The following TBC1D15 variants were observed in gnomAD, a reference collection of about 807,000 sequenced individuals.
The protein encoded by TBC1D15 is TBC1 domain family member 15.
TBC1D15 carries 39 observed loss-of-function variants against 95.4 expected under a neutral mutation model. That is an observed-to-expected ratio of 0.41 (90% CI 0.32 to 0.53). The LOEUF is 0.53. Ranked by LOEUF, TBC1D15 falls within the 20% of genes least tolerant of loss-of-function variation. The probability of loss-of-function intolerance (pLI) is 0.29; values close to 1 mark genes in which losing one functional copy is unlikely to be tolerated. For missense variants in TBC1D15, 733 were observed against 794.3 expected, an observed-to-expected ratio of 0.92 and a Z score of 0.93; for synonymous variants, 258 against 261.3, an observed-to-expected ratio of 0.99 and a Z score of 0.12.
At chr12:71,857,304 TGAAA>T (rs1889318433) in intron 1 of TBC1D15, among the ~76,000 whole-genome samples, 1 of 152,140 alleles carries the variant, frequency 6.6e-6, no homozygotes, top group East Asian at 1.9e-4. Context: ...GTGAAGAAAT[TGAAA>T]GCTTATTCTA....
chr12:71,913,736 A>G (rs1902998803), intron 11 of TBC1D15, 90 bp from the exon 12 acceptor site: 2 of 815,090 alleles, frequency 2.5e-6, no homozygotes, highest in South Asian at 1.6e-5. Context: ...GAAAGATACA[A>G]TTTTAAGCGA....
At chr12:71,888,313 G>T (rs770412025) in intron 5 of TBC1D15, among the ~76,000 whole-genome samples, 1 of 151,906 alleles carries the variant, frequency 6.6e-6, no homozygotes, top group African/African-American at 2.4e-5. Flanking sequence ...GTGAAACCCC[G>T]TCTCTACTAC....
chr12:71,849,504 A>G, intron 1 of TBC1D15: 2 of 773,964 alleles, frequency 2.6e-6, no homozygotes, highest in Non-Finnish European at 4.7e-6. Context: ...AAAGAGCGAA[A>G]GAGAGAAGGT....
At chr12:71,922,393 A>AT (rs113471599) in intron 16 of TBC1D15, among the ~76,000 whole-genome samples, 23,819 of 146,612 alleles carry the variant, frequency 0.16, 2,190 homozygotes, top group African/African-American at 0.26. Context: ...CCATGACTGC[A>AT]TTTTTTTTTT....
intron 16 of TBC1D15, among the ~76,000 whole-genome samples, 173 bp from the exon 17 acceptor site, chr12:71,922,810 T>A (rs2139141079): frequency 6.6e-6 from 1 of 152,290 alleles, no homozygotes; most frequent in African/African-American, 2.4e-5. Flanking sequence ...GAAAGGTGGT[T>A]AGCATTTCAT....
intron 10 of TBC1D15, among the ~76,000 whole-genome samples, chr12:71,901,261 A>C (rs979186683): frequency 6.6e-6 from 1 of 152,056 alleles, no homozygotes; most frequent in Non-Finnish European, 1.5e-5. Flanking sequence ...GCCTCAAGCA[A>C]TTCTCCCATC....
intron 3 of TBC1D15, among the ~76,000 whole-genome samples, chr12:71,876,379 A>G (rs1893822686): frequency 6.6e-6 from 1 of 152,086 alleles, no homozygotes; most frequent in Admixed American, 6.6e-5. Context: ...TTATCTGTGA[A>G]TCACCTTGAA....
chr12:71,853,248 A>G (rs548984208), intron 1 of TBC1D15, among the ~76,000 whole-genome samples: 4 of 152,310 alleles, frequency 2.6e-5, no homozygotes, highest in South Asian at 4.1e-4. Context: ...AAACAAAATC[A>G]GATCTCAGGA....
At position 71,923,078 on chromosome 12, in the gene TBC1D15, G is replaced by C. The variant is rs1311692349; in HGVS notation, c.1899G>C (p.Met633Ile). Reference sequence around the variant, plus strand: ...TTGGTGAAGACGAAAATGTTGTCATGACTCCTTGTCCTACATCTGCATTTC... The same window carrying C: ...TTGGTGAAGACGAAAATGTTGTCATCACTCCTTGTCCTACATCTGCATTTC... ...SDVGEDENVV[M>I]TPCPTSAFQS... is the part of the protein sequence containing the mutation. Residue 633 changes from methionine to isoleucine, a missense_variant, in exon 17 of 17, where the codon ATG (methionine) becomes ATC (isoleucine). Transcript: ENST00000485960. 6.2e-7 allele frequency: 1 copy of C among 1,614,198 alleles called. No homozygotes were observed. Among genetic ancestry groups the C allele is most frequent in the Admixed American group, 1.7e-5 (1 of 60,022 alleles).
intron 5 of TBC1D15, among the ~76,000 whole-genome samples, chr12:71,887,456 A>G (rs540875266): frequency 7.9e-5 from 12 of 152,192 alleles, no homozygotes; most frequent in Admixed American, 1.3e-4. Context: ...GGCCTGCCCT[A>G]TCTTAGCTCT....
intron 1 of TBC1D15, among the ~76,000 whole-genome samples, chr12:71,863,349 G>A (rs1565965195): frequency 6.6e-6 from 1 of 152,118 alleles, no homozygotes; most frequent in Non-Finnish European, 1.5e-5. Context: ...CTGCACTCCA[G>A]CCTGGGCGAC....
chr12:71,861,369 G>A (rs1890321161), intron 1 of TBC1D15: 1 of 1,193,182 alleles, frequency 8.4e-7, no homozygotes, highest in East Asian at 3.0e-5. Flanking sequence ...TTTCATTACT[G>A]ATTCAAACTT....
chr12:71,878,345 G>T (rs1894401369), intron 3 of TBC1D15, among the ~76,000 whole-genome samples: 1 of 152,044 alleles, frequency 6.6e-6, no homozygotes, highest in African/African-American at 2.4e-5. Flanking sequence ...TTATTTCCCT[G>T]ATTATTGGCA....
chr12:71,914,983 T>C (rs1903343626), intron 12 of TBC1D15, among the ~76,000 whole-genome samples: 3 of 152,072 alleles, frequency 2.0e-5, no homozygotes. Context: ...AAATGTATAC[T>C]TGGTAAGATT....
rs1383103235 is a variant in TBC1D15 at position 71,884,921 on chromosome 12, T to C, written c.454T>C (p.Phe152Leu). 1 of 1,614,072 alleles carries C rather than the reference T, an allele frequency of 6.2e-7. No homozygotes were observed. Among genetic ancestry groups the C allele is most frequent in the East Asian group, 2.2e-5 (1 of 44,856 alleles). ...GGGTATGGGCTGGTCCTATTTGGTA[T>C]TCTGTCTAAAGGATGACGTCGTTCT... Reference protein sequence around the residue: ...KEGMGWSYLVFCLKDDVVLPA... With the variant: ...KEGMGWSYLVLCLKDDVVLPA... Residue 152 changes from phenylalanine to leucine, a missense_variant, in exon 5 of 17, where the codon TTC becomes CTC. Phe to Leu is a conservative substitution (Grantham distance 22). Coordinates refer to ENST00000485960, the MANE Select transcript of TBC1D15 (RefSeq NM_001146213.3).
chr12:71,861,536 A>G, intron 1 of TBC1D15: 4 of 1,456,860 alleles, frequency 2.7e-6, no homozygotes, highest in Non-Finnish European at 3.6e-6. Context: ...TTTCTGTGGT[A>G]TGTTTTAATG....
chr12:71,893,438 ATATG>A, intron 6 of TBC1D15, 114 bp downstream of exon 6: 1 of 522,456 alleles, frequency 1.9e-6, no homozygotes, highest in Non-Finnish European at 3.2e-6. Context: ...ATATACATAG[ATATG>A]TGTGTGTGTG....
intron 1 of TBC1D15, chr12:71,868,726 G>A (rs1892029217): frequency 6.6e-6 from 1 of 152,178 alleles, no homozygotes; most frequent in African/African-American, 2.4e-5. Flanking sequence ...TTATTTGATT[G>A]TATAGGGTTC....
At chr12:71,922,670 C>T (rs749171864) in intron 16 of TBC1D15, among the ~76,000 whole-genome samples, 1 of 152,090 alleles carries the variant, frequency 6.6e-6, no homozygotes, top group Non-Finnish European at 1.5e-5. Context: ...GACAGATGAT[C>T]TAAGAAAGAT....
Sources: gnomAD v4.1 joint callset for allele counts (sites outside exome capture counted in the v4.1 genomes callset) on GRCh38, gnomAD v4.1.1 for gene constraint, MANE v1.5 for transcripts, NCBI Gene and HGNC (gene_info 2026-07-23, HGNC 2026-07-21) for gene names.